Variants in MTOR observed in about 807,000 individuals in gnomAD.
The protein encoded by MTOR is mechanistic target of rapamycin kinase.
MTOR carries 70 observed loss-of-function variants against 319.8 expected under a neutral mutation model. The ratio of observed to expected loss-of-function variants is 0.22; its 90% CI spans 0.18 to 0.27. MTOR has a LOEUF of 0.27. MTOR is among the 10% of genes least tolerant of loss of function. The pLI, the probability that MTOR is intolerant of heterozygous loss-of-function variation, is 1.00. For synonymous variants in MTOR, 1,183 were observed against 1,211.4 expected, an observed-to-expected ratio of 0.98 and a Z score of 0.49; for missense variants, 1,890 against 3,274.4, an observed-to-expected ratio of 0.58 and a Z score of 10.32.
rs1321887272 is a variant in MTOR, at chr1:11,164,325, ACT to A, written c.4329+3115_4329+3116del. ...ACTCCAGCCTGGGCGACAGAGTAAG[ACT>A]CTGCCTGAAAAAAAAAAAAAAAAAA... On this transcript the variant is annotated intron_variant, in intron 29 of 57. Transcript: ENST00000361445. Among the ~76,000 whole-genome samples the A allele has an allele frequency of 3.5e-5, 5 of 142,192 alleles. No homozygotes were observed. The Admixed American group carries it at 3.6e-4, about 10-fold the overall frequency. 93.3% of individuals were successfully genotyped at this position (142,192 alleles called of 152,430 possible).
rs2100424419 is a variant in MTOR, at chr1:11,129,827, T to C, written c.5625A>G (p.Lys1875=). ...LQKKVTEDLS[K]TLLMYTVPAV... ...CAGGCACCGTGTACATCAGGAGGGT[T>C]TTGGACAGATCCTGTTGGAACACAC... The change falls in exon 40 of 58, where the codon AAA becomes AAG. Residue 1875 remains lysine, a synonymous_variant. Transcript: ENST00000361445. This position sits in a 1 kb window ranked among gnomAD's most constrained non-coding sequence, Gnocchi z 4.7. The C allele has an allele frequency of 6.2e-7, 1 of 1,614,142 alleles. No individual in the cohort carries two copies. Among genetic ancestry groups the C allele is most frequent in the Admixed American group, 1.7e-5 (1 of 60,028 alleles).
At chr1:11,143,080 TGTGAC>T (rs1160488507) in intron 34 of MTOR, among the ~76,000 whole-genome samples, 2 of 152,232 alleles carry the variant, frequency 1.3e-5, no homozygotes, top group Non-Finnish European at 2.9e-5. Flanking sequence ...TCCCATGAAG[TGTGAC>T]AACAATGATT....
intron 26 of MTOR, among the ~76,000 whole-genome samples, chr1:11,201,014 CA>C (rs55986489): frequency 0.039 from 4,242 of 109,176 alleles, 148 homozygotes; most frequent in African/African-American, 0.12. Flanking sequence ...GACTCTGTTT[CA>C]AAAAAAAAAA....
At chr1:11,233,266 C>T in intron 15 of MTOR, 132 bp downstream of exon 15, 1 of 838,558 alleles carries the variant, frequency 1.2e-6, no homozygotes, top group South Asian at 1.6e-5. Flanking sequence ...GTTATGAATG[C>T]ATTGTTGGCT....
chr1:11,184,231 A>G (rs1049133815), intron 28 of MTOR, among the ~76,000 whole-genome samples: 39 of 152,204 alleles, frequency 2.6e-4, no homozygotes, highest in African/African-American at 8.7e-4. Flanking sequence ...TGGCAAACTC[A>G]GAGAAGTAAT....
chr1:11,229,953 G>A (rs1646964045), intron 18 of MTOR, among the ~76,000 whole-genome samples: 1 of 151,918 alleles, frequency 6.6e-6, no homozygotes, highest in Admixed American at 6.6e-5. Flanking sequence ...GTGACAAAGT[G>A]AGACCCTGTC....
At chr1:11,215,381 C>T (rs570062407) in intron 20 of MTOR, among the ~76,000 whole-genome samples, 1 of 152,096 alleles carries the variant, frequency 6.6e-6, no homozygotes, top group Admixed American at 6.6e-5. Context: ...GTTCTGAGAT[C>T]CAGGTGCTGG....
intron 20 of MTOR, 22 bp from the exon 21 acceptor site, chr1:11,213,588 A>G: frequency 6.2e-7 from 1 of 1,610,828 alleles, no homozygotes; most frequent in Non-Finnish European, 8.5e-7. Context: ...GAAAAGTCAG[A>G]GGAGCTGAGT....
intron 6 of MTOR, among the ~76,000 whole-genome samples, chr1:11,249,104 C>G (rs1649240131): frequency 6.6e-6 from 1 of 151,752 alleles, no homozygotes; most frequent in African/African-American, 2.4e-5. Context: ...CATGCCTGTA[C>G]TCCCAGCTAC....
intron 11 of MTOR, among the ~76,000 whole-genome samples, chr1:11,239,912 A>C (rs370538901): frequency 3.5e-4 from 53 of 152,110 alleles, no homozygotes; most frequent in African/African-American, 1.2e-3. Context: ...CAAAAAAAAA[A>C]AAAAAAGAAA....
chr1:11,240,419 A>T lies in MTOR; in HGVS notation c.1670T>A (p.Met557Lys). ...LMHKPLRHPG[M>K]PKGLAHQLAS... ...CAGCTGATGGGCCAGGCCCTTGGGC[A>T]TGCCTGGGTGGCGAAGGGGTTTGTG... Residue 557 changes from methionine to lysine, a missense_variant, in exon 11 of 58, where the codon ATG becomes AAG. Transcript: ENST00000361445. 6.2e-7 allele frequency: 1 copy of T among 1,614,252 alleles called. No individual in the cohort carries two copies. The highest frequency in any genetic ancestry group is 8.5e-7 in the Non-Finnish European group (1 of 1,180,044).
intron 28 of MTOR, among the ~76,000 whole-genome samples, chr1:11,187,391 A>C (rs1032109296): frequency 1.3e-5 from 2 of 152,190 alleles, no homozygotes; most frequent in African/African-American, 4.8e-5. Context: ...GGCAGTACTT[A>C]GATTCTCACA....
chr1:11,211,058 C>A (rs147911559), intron 23 of MTOR, 152 bp from the exon 24 acceptor site: 2 of 597,398 alleles, frequency 3.3e-6, no homozygotes, highest in East Asian at 5.6e-5. Context: ...TCCCATCTCC[C>A]GTTATAATCC....
chr1:11,190,043 T>C, intron 28 of MTOR: 2 of 1,465,860 alleles, frequency 1.4e-6, no homozygotes, highest in Non-Finnish European at 1.8e-6. Context: ...GAACCACTAC[T>C]GGGGCCTCTT....
At chr1:11,140,997 AAAG>A (rs1404218958) in intron 34 of MTOR, among the ~76,000 whole-genome samples, 84 of 137,142 alleles carry the variant, frequency 6.1e-4, no homozygotes, top group Middle Eastern at 3.7e-3. Context: ...AAAAAAAAAA[AAAG>A]ACTGTTGAGA....
chr1:11,159,293 A>G (rs1404944030), intron 29 of MTOR, among the ~76,000 whole-genome samples: 2 of 152,172 alleles, frequency 1.3e-5, no homozygotes, highest in Non-Finnish European at 2.9e-5. Context: ...GATGAGATAC[A>G]GTTCTTTCAC....
intron 19 of MTOR, among the ~76,000 whole-genome samples, chr1:11,216,530 T>C (rs1009980572): frequency 6.6e-6 from 1 of 152,000 alleles, no homozygotes; most frequent in African/African-American, 2.4e-5. Flanking sequence ...TTGCCTGTAG[T>C]TCTAGCTACT....
At chr1:11,227,230 A>G (rs1646869842) in intron 19 of MTOR, among the ~76,000 whole-genome samples, 1 of 146,452 alleles carries the variant, frequency 6.8e-6, no homozygotes, top group Admixed American at 7.1e-5. Context: ...CCTGAGAGGC[A>G]GAGGCTGCAA....
At chr1:11,249,090 G>C (rs2100944868) in intron 6 of MTOR, among the ~76,000 whole-genome samples, 1 of 152,142 alleles carries the variant, frequency 6.6e-6, no homozygotes, top group East Asian at 1.9e-4. Context: ...TGGGTGTGGT[G>C]GCACATGCCT....
Sources: gnomAD v4.1 joint callset for allele counts (sites outside exome capture counted in the v4.1 genomes callset) on GRCh38, gnomAD v4.1.1 for gene constraint, Gnocchi (gnomAD v3.1) non-coding constraint, MANE v1.5 for transcripts, NCBI Gene and HGNC (gene_info 2026-07-23, HGNC 2026-07-21) for gene names.